Variants in PTPRG observed in about 807,000 individuals in gnomAD.
PTPRG encodes receptor-type tyrosine-protein phosphatase gamma.
In PTPRG, 102 loss-of-function variants were observed where a neutral mutation model predicts 165.3. The observed-to-expected ratio is 0.62, with a 90% CI of 0.53 to 0.73. PTPRG has a LOEUF of 0.73. Ranked by LOEUF, PTPRG falls within the 30% of genes least tolerant of loss-of-function variation. The probability of loss-of-function intolerance (pLI) is 0.00; values close to 1 mark genes in which losing one functional copy is unlikely to be tolerated. For synonymous variants in PTPRG, 675 were observed against 669.5 expected (o/e 1.01, Z -0.13); for missense variants, 1,866 against 1,861.4 (o/e 1.00, Z -0.05).
chr3:61,963,437 G>T lies in PTPRG; in HGVS notation c.191-26188G>T, dbSNP rs1255501879. On this transcript the variant is annotated intron_variant, in intron 2 of 29. Transcript: ENST00000474889. ...AAAAAGATGCCATATATAGAAAAAT[G>T]CATTTGAATTAATACGCATTTAGTG... 2.0e-5 allele frequency among the ~76,000 whole-genome samples: 3 copies of T among 152,238 alleles called. No individual in the cohort carries two copies. In the East Asian group the frequency reaches 5.8e-4, roughly 29 times the overall value.
chr3:61,664,205 T>G (rs1702744949), intron 1 of PTPRG, among the ~76,000 whole-genome samples: 1 of 152,208 alleles, frequency 6.6e-6, no homozygotes, highest in African/African-American at 2.4e-5. Context: ...ATTGCCAAGT[T>G]CCCACTCTAC....
chr3:61,635,751 T>A (rs541541923), intron 1 of PTPRG, among the ~76,000 whole-genome samples: 1 of 152,318 alleles, frequency 6.6e-6, no homozygotes, highest in East Asian at 1.9e-4. Context: ...ATGGATTTGA[T>A]TCCAGGTAGC....
chr3:61,571,429 GTT>G (rs1433554313), intron 1 of PTPRG, among the ~76,000 whole-genome samples: 1 of 152,124 alleles, frequency 6.6e-6, no homozygotes, highest in Non-Finnish European at 1.5e-5. Flanking sequence ...ATTTCACCCT[GTT>G]ACTTTTCCCA....
intron 1 of PTPRG, among the ~76,000 whole-genome samples, chr3:61,563,904 A>G (rs905287189): frequency 1.3e-5 from 2 of 151,922 alleles, no homozygotes; most frequent in African/African-American, 4.8e-5. Context: ...GGTATTCTGC[A>G]CCCCCTTTTC....
rs1020874778 is a variant in PTPRG, at chr3:62,210,827, A to G, written c.2155+6877A>G. Among the ~76,000 whole-genome samples, 1 of 152,230 alleles carries G rather than the reference A, an allele frequency of 6.6e-6. No individual in the cohort carries two copies. Among genetic ancestry groups the G allele is most frequent in the Admixed American group, 6.5e-5 (1 of 15,278 alleles). On this transcript the variant is annotated intron_variant, in intron 12 of 29. Transcript: ENST00000474889. This position sits in a 1 kb window ranked among gnomAD's most constrained non-coding sequence, Gnocchi z 4.1. ...TTCTAGCTTACTTTATTGTAAGAAT[A>G]TAGCATATAATACAAATAATATACA...
intron 2 of PTPRG, among the ~76,000 whole-genome samples, chr3:61,954,088 GA>G (rs2039966479): frequency 6.6e-6 from 1 of 152,152 alleles, no homozygotes; most frequent in Non-Finnish European, 1.5e-5. Context: ...GAGATTTCTT[GA>G]GAGTAATTTT....
intron 1 of PTPRG, among the ~76,000 whole-genome samples, chr3:61,632,384 A>G (rs1171216643): frequency 6.6e-6 from 1 of 152,248 alleles, no homozygotes. Context: ...TGTAATGCTT[A>G]TAATTGATAG....
intron 1 of PTPRG, among the ~76,000 whole-genome samples, chr3:61,687,041 A>C (rs1575589857): frequency 6.6e-6 from 1 of 152,306 alleles, no homozygotes. Context: ...CCAGCCAACC[A>C]AAAATGCATC....
At chr3:62,261,027 C>G (rs1701680957) in intron 16 of PTPRG, 1 of 152,094 alleles carries the variant, frequency 6.6e-6, no homozygotes, top group African/African-American at 2.4e-5. Flanking sequence ...TGCTCCCAAG[C>G]AGTCTTGGTC....
chr3:62,009,753 G>T (rs866745408), intron 4 of PTPRG, among the ~76,000 whole-genome samples: 5 of 152,140 alleles, frequency 3.3e-5, no homozygotes, highest in African/African-American at 9.7e-5. Context: ...CAGGCACTCA[G>T]GTTCCTGCCT....
chr3:61,801,495 G>C (rs918853429), intron 2 of PTPRG, among the ~76,000 whole-genome samples: 3 of 151,886 alleles, frequency 2.0e-5, no homozygotes, highest in Admixed American at 1.3e-4. Context: ...GGGGTGGAGG[G>C]GGGAAGAAAG....
intron 5 of PTPRG, among the ~76,000 whole-genome samples, chr3:62,131,311 C>G (rs1674977337): frequency 6.6e-6 from 1 of 152,290 alleles, no homozygotes; most frequent in Non-Finnish European, 1.5e-5. Flanking sequence ...CAATATCTCC[C>G]CCATTTGAGA....
intron 13 of PTPRG, among the ~76,000 whole-genome samples, chr3:62,220,495 A>G (rs1700626177): frequency 6.6e-6 from 1 of 152,178 alleles, no homozygotes; most frequent in Non-Finnish European, 1.5e-5. Flanking sequence ...GAGCAACAGA[A>G]TCTGCTGGCA....
chr3:61,810,073 C>T (rs527856638), intron 2 of PTPRG, among the ~76,000 whole-genome samples: 1 of 152,258 alleles, frequency 6.6e-6, no homozygotes, highest in African/African-American at 2.4e-5. Flanking sequence ...CCTGCACAGC[C>T]TAAATGGCTT....
At chr3:62,187,325 G>T (rs1274815229) in intron 8 of PTPRG, among the ~76,000 whole-genome samples, 1 of 152,220 alleles carries the variant, frequency 6.6e-6, no homozygotes, top group Non-Finnish European at 1.5e-5. Context: ...TCAAAAAAAG[G>T]CTTGGCCTCT....
chr3:62,282,702 T>C (rs768168441), intron 27 of PTPRG, 25 bp from the exon 28 acceptor site: 17 of 1,592,192 alleles, frequency 1.1e-5, no homozygotes, highest in Non-Finnish European at 1.5e-5. Flanking sequence ...AGGAAGGGAT[T>C]TGACCCATGT....
intron 2 of PTPRG, among the ~76,000 whole-genome samples, chr3:61,967,337 G>T (rs1339359678): frequency 6.6e-6 from 1 of 152,070 alleles, no homozygotes; most frequent in African/African-American, 2.4e-5. Flanking sequence ...AGAGTCGAAT[G>T]TTAAAAACCT....
intron 2 of PTPRG, among the ~76,000 whole-genome samples, chr3:61,939,968 A>C (rs868447347): frequency 1.7e-5 from 1 of 59,082 alleles, no homozygotes; most frequent in Non-Finnish European, 3.0e-5. Flanking sequence ...TTTTTTTGAG[A>C]CAGTCTTGCT....
At chr3:61,733,972 AT>A (rs1289061313) in intron 1 of PTPRG, among the ~76,000 whole-genome samples, 1 of 151,994 alleles carries the variant, frequency 6.6e-6, no homozygotes, top group African/African-American at 2.4e-5. Flanking sequence ...TAATTTTTGT[AT>A]TTTTTGTAGA....
Sources: allele counts gnomAD v4.1 joint callset (sites outside exome capture counted in the v4.1 genomes callset), GRCh38; gene constraint gnomAD v4.1.1; non-coding constraint Gnocchi (gnomAD v3.1); transcripts MANE v1.5; gene names NCBI Gene and HGNC (gene_info 2026-07-23, HGNC 2026-07-21).